The following CSMD1 variants were observed in gnomAD, a reference collection of about 807,000 sequenced individuals.
CSMD1 encodes the protein CUB and sushi domain-containing protein 1.
In CSMD1, 213 loss-of-function variants were observed where a neutral mutation model predicts 417.5. The ratio of observed to expected loss-of-function variants is 0.51; its 90% confidence interval spans 0.46 to 0.57. The LOEUF (loss-of-function observed/expected upper bound fraction) is 0.57. Among genes scored for constraint, CSMD1 ranks in the 20% least tolerant of loss-of-function variants. The pLI is 0.00. For missense variants in CSMD1, 6,923 were observed against 4,529.7 expected (o/e 1.53, Z -15.17); for synonymous variants, 2,862 against 1,736.8 (o/e 1.65, Z -16.11).
chr8:3,162,173 C>T lies in CSMD1; in HGVS notation c.5830G>A (p.Gly1944Arg), dbSNP rs1382911818. The T allele has an allele frequency of 1.9e-6, 3 of 1,604,516 alleles. No homozygotes were observed. Among genetic ancestry groups the T allele is most frequent in the East Asian group, 2.2e-5 (1 of 44,628 alleles). ...AAGAAGGATACCTGCAGGGTGTACC[C>T]GGGCTCGCACTGGAAGGAGAGCACG... ...NDVLSFQCEPGYTLQGRSHIS... is the reference protein window; with the variant it reads ...NDVLSFQCEPRYTLQGRSHIS... Residue 1944 changes from glycine to arginine, a missense_variant, in exon 38 of 70, where the codon GGG becomes AGG. By Grantham distance (125) the Gly-to-Arg change is moderately radical. Coordinates refer to ENST00000635120, the MANE Select transcript of CSMD1 (RefSeq NM_033225.6).
chr8:3,727,573 AC>A (rs2129046543), intron 6 of CSMD1, among the ~76,000 whole-genome samples: 1 of 152,334 alleles, frequency 6.6e-6, no homozygotes, highest in East Asian at 1.9e-4. Flanking sequence ...TCGAAAAAAT[AC>A]TAATAAAAAT....
chr8:3,759,267 G>A (rs1043671751), intron 5 of CSMD1, among the ~76,000 whole-genome samples: 2 of 152,146 alleles, frequency 1.3e-5, no homozygotes, highest in Non-Finnish European at 2.9e-5. Context: ...GACCAAAACA[G>A]AAATACGGCC....
intron 1 of CSMD1, among the ~76,000 whole-genome samples, chr8:4,676,873 A>G (rs756004581): frequency 2.2e-4 from 33 of 150,280 alleles, no homozygotes; most frequent in Non-Finnish European, 4.4e-4. Context: ...AGATATACAT[A>G]TTTTATATAT....
At chr8:3,517,509 G>A (rs748890579) in intron 10 of CSMD1, among the ~76,000 whole-genome samples, 6 of 152,152 alleles carry the variant, frequency 3.9e-5, no homozygotes, top group African/African-American at 7.2e-5. Context: ...CTTAGAAAAT[G>A]TCAGGTTCCA....
chr8:3,272,764 T>G (rs920615297), intron 26 of CSMD1, among the ~76,000 whole-genome samples: 10 of 149,252 alleles, frequency 6.7e-5, no homozygotes, highest in Non-Finnish European at 1.5e-4. Flanking sequence ...ATGCTTGTGA[T>G]TTTTGTACAT....
chr8:3,644,966 G>GAAAAAAAAAAAAAAAAAAAAAAA (rs71203456), intron 7 of CSMD1, among the ~76,000 whole-genome samples: 3 of 64,544 alleles, frequency 4.6e-5, no homozygotes, highest in African/African-American at 2.4e-4. Flanking sequence ...GGCTTTAAAT[G>GAAAAAAAAAAAAAAAAAAAAAAA]AAAAAAAAAA....
intron 7 of CSMD1, among the ~76,000 whole-genome samples, chr8:3,699,268 C>G (rs994123613): frequency 1.1e-4 from 17 of 152,194 alleles, no homozygotes; most frequent in African/African-American, 3.9e-4. Flanking sequence ...GTGACAGAAA[C>G]TTGAAAAATT....
intron 7 of CSMD1, among the ~76,000 whole-genome samples, chr8:3,686,900 C>G (rs1037910994): frequency 6.6e-6 from 1 of 152,138 alleles, no homozygotes; most frequent in African/African-American, 2.4e-5. Flanking sequence ...CATTCTTGGG[C>G]CGTAAGAGGA....
chr8:4,219,213 T>C lies in CSMD1; in HGVS notation c.416-187114A>G, dbSNP rs1463931927. On this transcript the variant is annotated intron_variant, in intron 3 of 69. Coordinates refer to ENST00000635120, the MANE Select transcript of CSMD1 (RefSeq NM_033225.6). ...GCAGAATTTCTGCTGTAAAATTATTTTTTCACCCTCTTTTACCACTCCATC... is the reference window on the plus strand; with the variant it reads ...GCAGAATTTCTGCTGTAAAATTATTCTTTCACCCTCTTTTACCACTCCATC... Among the ~76,000 whole-genome samples the C allele has an allele frequency of 2.0e-5, 3 of 152,186 alleles. No individual in the cohort carries two copies. The East Asian group carries it at 5.8e-4, about 29-fold the overall frequency.
chr8:3,401,789 G>C (rs557551315), intron 15 of CSMD1, among the ~76,000 whole-genome samples: 2 of 152,232 alleles, frequency 1.3e-5, no homozygotes, highest in South Asian at 4.1e-4. Context: ...CAGAACCCAT[G>C]ACAAGGTTCC....
intron 54 of CSMD1, among the ~76,000 whole-genome samples, chr8:2,980,706 A>C (rs892186834): frequency 6.6e-6 from 1 of 152,148 alleles, no homozygotes; most frequent in Admixed American, 6.6e-5. Flanking sequence ...CTAAGGACTA[A>C]AATTCTCTTT....
chr8:3,240,512 C>T (rs192152859), intron 26 of CSMD1, among the ~76,000 whole-genome samples: 2 of 151,990 alleles, frequency 1.3e-5, no homozygotes, highest in African/African-American at 2.4e-5. Context: ...ATGAGAATTA[C>T]GCCGAGATAG....
intron 8 of CSMD1, among the ~76,000 whole-genome samples, chr8:3,591,993 G>C (rs1048976316): frequency 7.2e-5 from 11 of 152,024 alleles, no homozygotes; most frequent in East Asian, 3.9e-4. Flanking sequence ...ATAGATAAAA[G>C]ACGGATGGAT....
intron 3 of CSMD1, among the ~76,000 whole-genome samples, chr8:4,403,257 C>G (rs1386450269): frequency 6.6e-6 from 1 of 152,168 alleles, no homozygotes; most frequent in Non-Finnish European, 1.5e-5. Context: ...ACGTTAAAGG[C>G]AAAACAGTCA....
rs1359502328 is a variant in CSMD1 at position 2,964,577 on chromosome 8, A to C, written c.9281-1182T>G. ...CACAATGGGTACTAGAAAGAGGATA[A>C]AAATCCACAGAATTATGCATGAAGC... On this transcript the variant is annotated intron_variant, in intron 59 of 69. Transcript: ENST00000635120. Among the ~76,000 whole-genome samples the C allele has an allele frequency of 2.0e-5, 3 of 152,262 alleles. No individual in the cohort carries two copies. The South Asian group carries it at 6.2e-4, about 31-fold the overall frequency.
intron 3 of CSMD1, among the ~76,000 whole-genome samples, chr8:4,243,984 G>T (rs916465693): frequency 4.6e-5 from 7 of 152,210 alleles, no homozygotes; most frequent in African/African-American, 1.7e-4. Context: ...TACAGTGGCA[G>T]AATTTCAGTC....
intron 10 of CSMD1, among the ~76,000 whole-genome samples, chr8:3,503,762 C>T (rs1161722748): frequency 6.6e-6 from 1 of 152,132 alleles, no homozygotes; most frequent in East Asian, 1.9e-4. Flanking sequence ...CTCAGCCCAC[C>T]TGTGGTTTCA....
chr8:3,985,332 T>C (rs11779330), intron 5 of CSMD1, among the ~76,000 whole-genome samples: 2 of 152,188 alleles, frequency 1.3e-5, no homozygotes, highest in Admixed American at 6.5e-5. Flanking sequence ...TATGTTTTCG[T>C]TTATTAGGGT....
intron 7 of CSMD1, among the ~76,000 whole-genome samples, chr8:3,703,764 A>G (rs1218019850): frequency 6.6e-6 from 1 of 152,154 alleles, no homozygotes; most frequent in Non-Finnish European, 1.5e-5. Context: ...GCCAGCTATT[A>G]CATACCTGTA....
Sources: gnomAD v4.1 joint callset for allele counts (sites outside exome capture counted in the v4.1 genomes callset) on GRCh38, gnomAD v4.1.1 for gene constraint, MANE v1.5 for transcripts, NCBI Gene and HGNC (gene_info 2026-07-23, HGNC 2026-07-21) for gene names.